Variants in NVL observed in about 807,000 individuals in gnomAD.
The protein encoded by NVL is nuclear valosin-containing protein-like.
In NVL, 84 loss-of-function variants were observed where a neutral mutation model predicts 110.2. The ratio of observed to expected loss-of-function variants is 0.76; its 90% CI spans 0.64 to 0.91. NVL has a LOEUF of 0.91. Among genes scored for constraint, NVL ranks in the 40% least tolerant of loss-of-function variants. NVL has a pLI of 0.00. For synonymous variants in NVL, 354 were observed against 361.1 expected (o/e 0.98, Z 0.22); for missense variants, 882 against 1,035.9 (o/e 0.85, Z 2.04).
At chr1:224,241,842 G>A (rs918716629) in intron 19 of NVL, among the ~76,000 whole-genome samples, 1 of 141,190 alleles carries the variant, frequency 7.1e-6, no homozygotes, top group Non-Finnish European at 1.5e-5. Context: ...GGGAACAAGA[G>A]TGAGACCTCG....
intron 5 of NVL, among the ~76,000 whole-genome samples, chr1:224,309,043 A>G (rs147430870): frequency 0.07 from 9,805 of 139,212 alleles, 416 homozygotes; most frequent in African/African-American, 0.12. Context: ...CCTGGGTGAC[A>G]GAGCGGGACT....
At chr1:224,257,754 G>A (rs530252376) in intron 18 of NVL, among the ~76,000 whole-genome samples, 16 of 152,154 alleles carry the variant, frequency 1.1e-4, no homozygotes, top group Admixed American at 9.8e-4. Context: ...TGCCCAGGCT[G>A]GTCTTGAACT....
intron 20 of NVL, among the ~76,000 whole-genome samples, chr1:224,236,086 T>A (rs190380208): frequency 6.6e-6 from 1 of 152,298 alleles, no homozygotes; most frequent in East Asian, 1.9e-4. Context: ...AACTAATAAC[T>A]GTAACAACAC....
chr1:224,317,976 A>G (rs1175997485), intron 2 of NVL, 46 bp from the exon 3 acceptor site: 1 of 1,337,118 alleles, frequency 7.5e-7, no homozygotes, highest in Non-Finnish European at 1.0e-6. Context: ...CTCCACCAAT[A>G]TTTTTCCATT....
intron 19 of NVL, among the ~76,000 whole-genome samples, chr1:224,243,240 G>A (rs901030445): frequency 1.1e-4 from 17 of 151,278 alleles, no homozygotes; most frequent in African/African-American, 3.2e-4. Flanking sequence ...TGGGTACATC[G>A]CTTGAGCTCA....
At chr1:224,292,097 A>T (rs1011405445) in intron 12 of NVL, among the ~76,000 whole-genome samples, 2 of 152,200 alleles carry the variant, frequency 1.3e-5, no homozygotes, top group African/African-American at 2.4e-5. Context: ...TAGAAACTGG[A>T]ACAATTTATA....
At chr1:224,259,437 T>A (rs1663693076) in intron 18 of NVL, among the ~76,000 whole-genome samples, 1 of 152,112 alleles carries the variant, frequency 6.6e-6, no homozygotes, top group Non-Finnish European at 1.5e-5. Context: ...GCTGTAAAGC[T>A]ATGTAAATAT....
chr1:224,289,944 TA>T (rs1469739874), intron 12 of NVL, among the ~76,000 whole-genome samples: 2 of 152,236 alleles, frequency 1.3e-5, no homozygotes, highest in African/African-American at 4.8e-5. Context: ...TCTGCTTTGT[TA>T]GGAAACATGC....
intron 22 of NVL, among the ~76,000 whole-genome samples, chr1:224,229,004 A>T (rs1659547466): frequency 6.6e-6 from 1 of 151,310 alleles, no homozygotes; most frequent in African/African-American, 2.4e-5. Context: ...AACAATGTAT[A>T]AGAGTTCCAG....
intron 17 of NVL, among the ~76,000 whole-genome samples, chr1:224,271,765 C>A (rs1247670202): frequency 6.6e-6 from 1 of 152,170 alleles, no homozygotes; most frequent in Non-Finnish European, 1.5e-5. Context: ...GTAATCTCAA[C>A]ACTTTAGGAG....
chr1:224,293,670 G>A (rs1341751537), intron 12 of NVL, among the ~76,000 whole-genome samples: 1 of 152,168 alleles, frequency 6.6e-6, no homozygotes, highest in Admixed American at 6.5e-5. Context: ...CATAGCTCCA[G>A]ACATTGCCAC....
intron 18 of NVL, among the ~76,000 whole-genome samples, chr1:224,252,616 A>G (rs764136863): frequency 6.6e-6 from 1 of 152,114 alleles, no homozygotes; most frequent in African/African-American, 2.4e-5. Context: ...TTATTATTCA[A>G]TGGTTTCATC....
rs1571932222 is a variant in NVL at position 224,281,202 on chromosome 1, A to G, written c.1900-17T>C. On this transcript the variant is annotated splice_polypyrimidine_tract_variant and intron_variant, in intron 15 of 22. Coordinates refer to ENST00000281701, the MANE Select transcript of NVL (RefSeq NM_002533.4). Reference sequence around the variant, plus strand: ...TGCAACAGCCTAGCAAGAGGAAACAAAAAGACACAAATAAGACCAATACAC... The same window carrying G: ...TGCAACAGCCTAGCAAGAGGAAACAGAAAGACACAAATAAGACCAATACAC... 2 of 1,606,054 alleles carry G rather than the reference A, an allele frequency of 1.2e-6. No individual in the cohort carries two copies. The highest frequency in any genetic ancestry group is 1.7e-4 in the Middle Eastern group (1 of 6,044).
chr1:224,228,924 C>CAAAAAAAA (rs368485856), intron 22 of NVL, among the ~76,000 whole-genome samples: 3 of 81,646 alleles, frequency 3.7e-5, no homozygotes, highest in African/African-American at 5.1e-5. Flanking sequence ...GACTCCGTCT[C>CAAAAAAAA]AAAAAAAAAA....
intron 18 of NVL, among the ~76,000 whole-genome samples, chr1:224,267,706 A>G (rs2102819691): frequency 6.6e-6 from 1 of 151,528 alleles, no homozygotes; most frequent in East Asian, 1.9e-4. Flanking sequence ...AAAAAAAAAA[A>G]GTGTATGCTG....
chr1:224,327,927 C>A (rs545606242), intron 1 of NVL, among the ~76,000 whole-genome samples: 1 of 151,980 alleles, frequency 6.6e-6, no homozygotes, highest in African/African-American at 2.4e-5. Flanking sequence ...TTGAGAAGGT[C>A]TGTGTGGCTG....
intron 2 of NVL, among the ~76,000 whole-genome samples, chr1:224,318,196 T>C (rs1670281600): frequency 6.6e-6 from 1 of 152,226 alleles, no homozygotes; most frequent in Non-Finnish European, 1.5e-5. Flanking sequence ...AAAGAAATAA[T>C]GTAATCAACA....
chr1:224,234,875 T>C (rs1452831782), intron 20 of NVL, among the ~76,000 whole-genome samples: 1 of 152,212 alleles, frequency 6.6e-6, no homozygotes, highest in Non-Finnish European at 1.5e-5. Context: ...CTACTTGGTA[T>C]ATCCAAAAGA....
chr1:224,231,271 A>G lies in NVL; in HGVS notation c.2481T>C (p.His827=), dbSNP rs1659848370. The G allele has an allele frequency of 6.2e-7, 1 of 1,612,870 alleles. No individual in the cohort carries two copies. The highest frequency in any genetic ancestry group is 8.5e-7 in the Non-Finnish European group (1 of 1,179,712). Residue 827 remains histidine (H), a synonymous_variant, in exon 22 of 23, where the codon CAT becomes CAC. Transcript: ENST00000281701. ...TTACTTTCTTGAAAGCTTCTTCAAA[A>G]TGCTTATGACTAACCTTGAGTTCAC... ...EKGELKVSHK[H]FEEAFKKVRS...
Sources: gnomAD v4.1 joint callset for allele counts (sites outside exome capture counted in the v4.1 genomes callset) on GRCh38, gnomAD v4.1.1 for gene constraint, MANE v1.5 for transcripts, NCBI Gene and HGNC (gene_info 2026-07-23, HGNC 2026-07-21) for gene names.